Variants in WWOX observed in about 807,000 individuals in gnomAD.
The protein encoded by WWOX is WW domain-containing oxidoreductase.
A neutral mutation model predicts 46.2 loss-of-function variants in WWOX; 69 were observed. That is an observed-to-expected ratio of 1.49 (90% CI 1.23 to 1.82). The LOEUF (loss-of-function observed/expected upper bound fraction) is 1.82. WWOX is among the 40% of genes most tolerant of loss of function. The pLI, the probability that WWOX is intolerant of heterozygous loss-of-function variation, is 0.00. For synonymous variants in WWOX, 359 were observed against 202.6 expected (o/e 1.77, Z -6.56); for missense variants, 919 against 542.6 (o/e 1.69, Z -6.89).
At chr16:78,283,039 C>G (rs1167822859) in intron 5 of WWOX, among the ~76,000 whole-genome samples, 1 of 152,022 alleles carries the variant, frequency 6.6e-6, no homozygotes, top group Non-Finnish European at 1.5e-5. Flanking sequence ...CTATGGCAGT[C>G]AGCGATGAGC....
chr16:78,701,958 G>C (rs1039848312), intron 8 of WWOX, among the ~76,000 whole-genome samples: 21 of 143,324 alleles, frequency 1.5e-4, no homozygotes, highest in African/African-American at 5.3e-4. Flanking sequence ...GCCGAGATGG[G>C]AGGATCATTT....
intron 8 of WWOX, among the ~76,000 whole-genome samples, chr16:79,195,079 AGT>A (rs2051211934): frequency 6.6e-6 from 1 of 152,160 alleles, no homozygotes; most frequent in African/African-American, 2.4e-5. Context: ...GGATGGCTAA[AGT>A]GTGAGCATAC....
chr16:78,599,636 A>T (rs955181839), intron 8 of WWOX, among the ~76,000 whole-genome samples: 1 of 152,162 alleles, frequency 6.6e-6, no homozygotes, highest in African/African-American at 2.4e-5. Context: ...CTGCCAATCA[A>T]CATTTGCTCC....
At chr16:78,858,494 C>A (rs2052623014) in intron 8 of WWOX, among the ~76,000 whole-genome samples, 2 of 151,920 alleles carry the variant, frequency 1.3e-5, no homozygotes, top group African/African-American at 4.8e-5. Context: ...ATACACATAG[C>A]TGAATGTTTT....
chr16:78,570,035 G>A (rs1463925707), intron 8 of WWOX, among the ~76,000 whole-genome samples: 1 of 152,098 alleles, frequency 6.6e-6, no homozygotes, highest in Admixed American at 6.5e-5. Context: ...AAAACTAACA[G>A]GTGGATATAA....
chr16:78,193,060 G>A (rs979216482), intron 5 of WWOX, among the ~76,000 whole-genome samples: 2 of 152,202 alleles, frequency 1.3e-5, no homozygotes, highest in Non-Finnish European at 2.9e-5. Context: ...GCGTCTCCTT[G>A]CAGGGCCCAG....
chr16:78,461,358 A>G (rs936899186), intron 8 of WWOX, among the ~76,000 whole-genome samples: 1 of 152,096 alleles, frequency 6.6e-6, no homozygotes, highest in Non-Finnish European at 1.5e-5. Context: ...CAGAAAGGAA[A>G]GGGAGAAAAA....
chr16:79,094,691 A>G (rs1222514475), intron 8 of WWOX, among the ~76,000 whole-genome samples: 4 of 152,288 alleles, frequency 2.6e-5, no homozygotes, highest in East Asian at 3.9e-4. Context: ...AAATATGTAC[A>G]AGGATACATA....
At chr16:78,528,038 G>A (rs71396192) in intron 8 of WWOX, among the ~76,000 whole-genome samples, 2,139 of 93,898 alleles carry the variant, frequency 0.023, 56 homozygotes, top group African/African-American at 0.064. Context: ...TTGCTCTGTC[G>A]CCCAGGCTGG....
intron 5 of WWOX, among the ~76,000 whole-genome samples, chr16:78,226,934 A>G (rs918584317): frequency 1.3e-5 from 2 of 152,216 alleles, no homozygotes; most frequent in Non-Finnish European, 2.9e-5. Context: ...TTGGACACAA[A>G]GAGGTGTTTC....
chr16:78,709,278 C>A (rs867228977), intron 8 of WWOX, among the ~76,000 whole-genome samples: 2 of 152,198 alleles, frequency 1.3e-5, no homozygotes, highest in African/African-American at 2.4e-5. Flanking sequence ...GACAAAATAA[C>A]AGTTCATCTG....
At chr16:79,099,179 T>C (rs1367439006) in intron 8 of WWOX, among the ~76,000 whole-genome samples, 1 of 152,156 alleles carries the variant, frequency 6.6e-6, no homozygotes, top group African/African-American at 2.4e-5. Context: ...GAGGATGGCA[T>C]GAAGCCCTTC....
At chr16:79,191,140 G>A (rs866917216) in intron 8 of WWOX, among the ~76,000 whole-genome samples, 19 of 152,142 alleles carry the variant, frequency 1.2e-4, no homozygotes, top group Middle Eastern at 3.4e-3. Flanking sequence ...TGCAGCCTCC[G>A]CCTCTCGGGT....
At chr16:78,924,610 A>C (rs1018093509) in intron 8 of WWOX, among the ~76,000 whole-genome samples, 5 of 152,326 alleles carry the variant, frequency 3.3e-5, no homozygotes, top group Middle Eastern at 3.4e-3. Flanking sequence ...AACATATATC[A>C]GAGTCCTTTT....
intron 5 of WWOX, among the ~76,000 whole-genome samples, chr16:78,282,346 G>A (rs1258078177): frequency 6.6e-6 from 1 of 152,188 alleles, no homozygotes; most frequent in Non-Finnish European, 1.5e-5. Flanking sequence ...ATCAGGAGGG[G>A]ATCTTTTCGG....
chr16:78,827,423 A>T (rs904191232), intron 8 of WWOX, among the ~76,000 whole-genome samples: 2 of 152,076 alleles, frequency 1.3e-5, no homozygotes, highest in African/African-American at 4.8e-5. Flanking sequence ...CTCCAGGGTC[A>T]GGTGTGTAGT....
At chr16:78,845,103 T>A (rs928026187) in intron 8 of WWOX, among the ~76,000 whole-genome samples, 21 of 146,082 alleles carry the variant, frequency 1.4e-4, no homozygotes, top group Admixed American at 1.0e-3. Flanking sequence ...TTAATAGCCC[T>A]GCATTCATGC....
chr16:78,794,679 C>G (rs951786913), intron 8 of WWOX, among the ~76,000 whole-genome samples: 1 of 152,232 alleles, frequency 6.6e-6, no homozygotes, highest in Non-Finnish European at 1.5e-5. Flanking sequence ...GCTGTCATTC[C>G]TGCAGCTGTT....
At chr16:78,871,765 A>G (rs1437331929) in intron 8 of WWOX, among the ~76,000 whole-genome samples, 1 of 151,938 alleles carries the variant, frequency 6.6e-6, no homozygotes, top group African/African-American at 2.4e-5. Flanking sequence ...ATACCCACCT[A>G]ATTTTTTGTA....
Sources: allele counts gnomAD v4.1 joint callset (sites outside exome capture counted in the v4.1 genomes callset), GRCh38; gene constraint gnomAD v4.1.1; transcripts MANE v1.5; gene names NCBI Gene and HGNC (gene_info 2026-07-23, HGNC 2026-07-21).